The following PPP6R3 variants were observed in gnomAD, a reference collection of about 807,000 sequenced individuals.
PPP6R3 encodes the protein serine/threonine-protein phosphatase 6 regulatory subunit 3.
A neutral mutation model predicts 110.7 loss-of-function variants in PPP6R3; 38 were observed. That is an observed-to-expected ratio of 0.34 (90% CI 0.26 to 0.45). The LOEUF is 0.45. PPP6R3 is among the 20% of genes least tolerant of loss of function. The pLI, the probability that PPP6R3 is intolerant of heterozygous loss-of-function variation, is 1.00. For synonymous variants in PPP6R3, 369 were observed against 373.5 expected, an observed-to-expected ratio of 0.99 and a Z score of 0.14; for missense variants, 870 against 1,062.4, an observed-to-expected ratio of 0.82 and a Z score of 2.52.
At chr11:68,583,940 G>T (rs2099570293) in intron 15 of PPP6R3, among the ~76,000 whole-genome samples, 1 of 152,142 alleles carries the variant, frequency 6.6e-6, no homozygotes, top group African/African-American at 2.4e-5. Context: ...TAGTCTCTAA[G>T]CTTCGTCTTA....
intron 14 of PPP6R3, among the ~76,000 whole-genome samples, chr11:68,581,080 C>T (rs968745598): frequency 6.6e-6 from 1 of 152,064 alleles, no homozygotes; most frequent in African/African-American, 2.4e-5. Context: ...CTAGGTAGAT[C>T]ATCTTTTTAG....
chr11:68,477,739 A>ATATATAT (rs768026020), intron 1 of PPP6R3, among the ~76,000 whole-genome samples: 89 of 80,380 alleles, frequency 1.1e-3, no homozygotes, highest in African/African-American at 2.3e-3. Flanking sequence ...AAAAAAAAAA[A>ATATATAT]AAATATATAT....
chr11:68,490,833 A>G (rs1171543826), intron 1 of PPP6R3, among the ~76,000 whole-genome samples: 2 of 151,964 alleles, frequency 1.3e-5, no homozygotes, highest in Non-Finnish European at 2.9e-5. Flanking sequence ...TGCTTATGTT[A>G]TCTTTCTGTT....
At chr11:68,508,385 C>T (rs1207375375) in intron 1 of PPP6R3, among the ~76,000 whole-genome samples, 1 of 152,072 alleles carries the variant, frequency 6.6e-6, no homozygotes, top group East Asian at 1.9e-4. Context: ...CCACCTCCAC[C>T]TCTCACAGTG....
At chr11:68,492,625 T>C (rs141572528) in intron 1 of PPP6R3, among the ~76,000 whole-genome samples, 2 of 152,366 alleles carry the variant, frequency 1.3e-5, no homozygotes, top group East Asian at 3.9e-4. Flanking sequence ...CTTTAGGGTA[T>C]ATACCAAGAA....
chr11:68,528,437 G>GGA (rs1555110114), intron 2 of PPP6R3, among the ~76,000 whole-genome samples: 1 of 140,092 alleles, frequency 7.1e-6, no homozygotes, highest in African/African-American at 2.7e-5. Context: ...TGTGTGTGGG[G>GGA]GGGGGGGCTG....
At chr11:68,479,168 A>T (rs2098876255) in intron 1 of PPP6R3, among the ~76,000 whole-genome samples, 1 of 152,212 alleles carries the variant, frequency 6.6e-6, no homozygotes, top group African/African-American at 2.4e-5. Flanking sequence ...ACAGTAAGGG[A>T]TATGGCGTAC....
intron 19 of PPP6R3, among the ~76,000 whole-genome samples, chr11:68,599,025 G>A (rs2099622449): frequency 6.6e-6 from 1 of 152,214 alleles, no homozygotes; most frequent in Admixed American, 6.5e-5. Flanking sequence ...TCAAACAGAT[G>A]AAGTCAGATA....
At chr11:68,553,416 C>T (rs929590267) in intron 6 of PPP6R3, among the ~76,000 whole-genome samples, 9 of 151,852 alleles carry the variant, frequency 5.9e-5, no homozygotes, top group Non-Finnish European at 2.9e-5. Context: ...GCCTCAGCCT[C>T]CCGAGTAGCT....
chr11:68,559,056 C>G (rs1330207856), intron 8 of PPP6R3, among the ~76,000 whole-genome samples: 1 of 152,218 alleles, frequency 6.6e-6, no homozygotes. Context: ...GGTAGCTCTC[C>G]TGGCCATTCA....
At chr11:68,477,911 T>G (rs1055604014) in intron 1 of PPP6R3, among the ~76,000 whole-genome samples, 4 of 151,598 alleles carry the variant, frequency 2.6e-5, no homozygotes, top group Non-Finnish European at 4.4e-5. Flanking sequence ...TTAGATTTTT[T>G]TGTGTGTGTA....
chr11:68,587,821 C>T (rs2099583560), intron 15 of PPP6R3, 106 bp from the exon 16 acceptor site: 1 of 958,794 alleles, frequency 1.0e-6, no homozygotes, highest in Non-Finnish European at 1.7e-6. Context: ...CTTTTATAGC[C>T]CTATGGCTAT....
chr11:68,463,231 T>C (rs948408085), intron 1 of PPP6R3, among the ~76,000 whole-genome samples: 2 of 151,650 alleles, frequency 1.3e-5, no homozygotes, highest in Non-Finnish European at 2.9e-5. Context: ...TAGTCGGTCA[T>C]GGTGGCGTGT....
chr11:68,480,343 T>G (rs1398127336), intron 1 of PPP6R3, among the ~76,000 whole-genome samples: 2 of 152,230 alleles, frequency 1.3e-5, no homozygotes, highest in Non-Finnish European at 2.9e-5. Flanking sequence ...CCAAATGCCC[T>G]CAGTACATTT....
chr11:68,530,309 C>T (rs1180119990), intron 2 of PPP6R3, among the ~76,000 whole-genome samples: 1 of 148,012 alleles, frequency 6.8e-6, no homozygotes, highest in Non-Finnish European at 1.5e-5. Context: ...ACTTGGGCAG[C>T]GTGTGCTTGC....
intron 1 of PPP6R3, among the ~76,000 whole-genome samples, chr11:68,478,252 C>CT (rs1321122889): frequency 1.3e-5 from 2 of 152,160 alleles, no homozygotes; most frequent in Non-Finnish European, 2.9e-5. Flanking sequence ...CCGGCCCAGG[C>CT]TGGTCTTTTA....
At chr11:68,480,406 T>G (rs1232664032) in intron 1 of PPP6R3, among the ~76,000 whole-genome samples, 2 of 152,258 alleles carry the variant, frequency 1.3e-5, no homozygotes, top group African/African-American at 4.8e-5. Flanking sequence ...AGACACTGTC[T>G]GGGCACTTGG....
At chr11:68,491,609 T>G (rs1183793694) in intron 1 of PPP6R3, among the ~76,000 whole-genome samples, 8 of 152,060 alleles carry the variant, frequency 5.3e-5, no homozygotes, top group African/African-American at 1.9e-4. Context: ...TTCAGCCTCC[T>G]AAAGTGTCGG....
chr11:68,477,741 A>AAATATATATAT lies in PPP6R3; in HGVS notation c.-158+16915_-158+16916insATATATATATA. On this transcript the variant is annotated intron_variant, in intron 1 of 23. Coordinates refer to ENST00000393800, the MANE Select transcript of PPP6R3 (RefSeq NM_001164161.2). ...GACATTGTCTCTTAAAAAAAAAAAA[A>AAATATATATAT]ATATATATATATATATATATATATA... is the stretch of plus-strand genomic sequence containing the variant. Among the ~76,000 whole-genome samples, 365 of 57,850 alleles carry AAATATATATAT rather than the reference A, an allele frequency of 6.3e-3. 1 individual carries two copies. The highest frequency in any genetic ancestry group is 9.2e-3 in the Non-Finnish European group (277 of 30,028). The allele number at this position is 57,850 out of a possible 152,430, so 38.0% of individuals were successfully genotyped here.
Sources: allele counts gnomAD v4.1 joint callset (sites outside exome capture counted in the v4.1 genomes callset), GRCh38; gene constraint gnomAD v4.1.1; transcripts MANE v1.5; gene names NCBI Gene and HGNC (gene_info 2026-07-23, HGNC 2026-07-21).